Variants in FERMT3 observed in about 807,000 individuals in gnomAD.
FERMT3 encodes the protein fermitin family homolog 3.
FERMT3 carries 33 observed loss-of-function variants against 80.8 expected under a neutral mutation model. The ratio of observed to expected loss-of-function variants is 0.41; its 90% CI spans 0.31 to 0.55. The LOEUF is 0.55. Among genes scored for constraint, FERMT3 ranks in the 20% least tolerant of loss-of-function variants. FERMT3 has a pLI of 0.31. For missense variants in FERMT3, 754 were observed against 908.7 expected (o/e 0.83, Z 2.19); for synonymous variants, 375 against 372.2 (o/e 1.01, Z -0.09).
At chr11:64,208,201 A>G (rs1387686987) in intron 2 of FERMT3, among the ~76,000 whole-genome samples, 2 of 152,144 alleles carry the variant, frequency 1.3e-5, no homozygotes, top group Non-Finnish European at 2.9e-5. Flanking sequence ...CCAGGCCACC[A>G]TGTGCAGCAC....
At chr11:64,207,812 C>G in intron 2 of FERMT3, 2 of 359,694 alleles carry the variant, frequency 5.6e-6, no homozygotes, top group South Asian at 7.0e-5. Context: ...CTTGTCTGGG[C>G]CGAGGCTGAA....
At position 64,219,243 on chromosome 11, in the gene FERMT3, C is replaced by A. The variant is rs202116077; in HGVS notation, c.787-8C>A. 5 of 1,578,392 alleles carry A rather than the reference C, an allele frequency of 3.2e-6. No individual in the cohort carries two copies. The African/African-American group carries it at 4.1e-5, about 13-fold the overall frequency. ...CCCAGCCTCCAGCCTCCTCTCCCCC[C>A]GCTCCAGACAGACCCCGTGCGGCTG... On this transcript the variant is annotated splice_region_variant and splice_polypyrimidine_tract_variant and intron_variant, in intron 6 of 14. Transcript: ENST00000345728. The surrounding 1 kb of genome is among the most constrained non-coding windows in gnomAD (Gnocchi z 4.0).
chr11:64,211,381 C>T lies in FERMT3; in HGVS notation c.621C>T (p.Pro207=). 1.9e-6 allele frequency: 3 copies of T among 1,608,994 alleles called. No homozygotes were observed. Among genetic ancestry groups the T allele is most frequent in the Non-Finnish European group, 2.5e-6 (3 of 1,178,462 alleles). ...MLSRPQPPPD[P]LLLQRLPRPS... ...GCCGGCCCCAGCCGCCACCCGACCC[C>T]CTCCTGCTCCAGCGTCTGCCACGGC... The change falls in exon 5 of 15, where the codon CCC becomes CCT. Residue 207 remains proline (P), a synonymous_variant. Transcript: ENST00000345728. This position sits in a 1 kb window ranked among gnomAD's most constrained non-coding sequence, Gnocchi z 4.7.
intron 12 of FERMT3, 75 bp downstream of exon 12, chr11:64,220,744 C>T (rs1946663527): frequency 7.1e-7 from 1 of 1,418,108 alleles, no homozygotes; most frequent in Admixed American, 1.9e-5. Context: ...CTCCACAGAG[C>T]CTTCCTCAGG....
chr11:64,212,587 T>C (rs1298587859), intron 6 of FERMT3, among the ~76,000 whole-genome samples: 4 of 152,176 alleles, frequency 2.6e-5, no homozygotes, highest in African/African-American at 7.2e-5. Context: ...ACTTGCAGCA[T>C]AGACACCACC....
intron 6 of FERMT3, among the ~76,000 whole-genome samples, chr11:64,213,369 G>A (rs1305422810): frequency 6.6e-6 from 1 of 150,434 alleles, no homozygotes. Context: ...TCGAACTCCT[G>A]ACCTCAGGTG....
chr11:64,222,240 C>CAAATAAAT (rs56402636), intron 13 of FERMT3, among the ~76,000 whole-genome samples: 1,453 of 137,318 alleles, frequency 0.011, 16 homozygotes, highest in Middle Eastern at 0.018. Context: ...GACTCAGTCT[C>CAAATAAAT]AAATAAATAA....
Position 64,210,943 on chromosome 11 carries a change from C to T in FERMT3, c.394+99C>T. 1 of 1,607,462 alleles carries T rather than the reference C, an allele frequency of 6.2e-7. No individual in the cohort carries two copies. Among genetic ancestry groups the T allele is most frequent in the Non-Finnish European group, 8.5e-7 (1 of 1,177,152 alleles). Reference sequence around the variant, plus strand: ...GCTCTGTTGACGCTGTCCTTGCTGTCTGGGTTGCCACCCTGCCTGCAGGGC... The same window carrying T: ...GCTCTGTTGACGCTGTCCTTGCTGTTTGGGTTGCCACCCTGCCTGCAGGGC... On this transcript the variant is annotated intron_variant, in intron 3 of 14. Transcript: ENST00000345728. The surrounding 1 kb of genome is among the most constrained non-coding windows in gnomAD (Gnocchi z 4.3).
chr11:64,220,638 C>T lies in FERMT3; in HGVS notation c.1514C>T (p.Pro505Leu), dbSNP rs762719088. 2.5e-5 allele frequency: 41 copies of T among 1,611,492 alleles called. No individual in the cohort carries two copies. Among genetic ancestry groups the T allele is most frequent in the Non-Finnish European group, 3.1e-5 (37 of 1,179,394 alleles). ...EGLNPYGLVA[P>L]RFQRKFKAKQ... is the part of the protein sequence containing the mutation. Reference sequence around the variant, plus strand: ...CTCAACCCCTACGGCCTCGTTGCCCCCCGTTTCCAGCGAAAGTTCAAGGCC... The same window carrying T: ...CTCAACCCCTACGGCCTCGTTGCCCTCCGTTTCCAGCGAAAGTTCAAGGCC... The change falls in exon 12 of 15, where the codon CCC (proline) becomes CTC (leucine). Residue 505 changes from proline (P) to leucine (L), a missense_variant. Transcript: ENST00000345728.
Position 64,210,930 on chromosome 11 carries a change from C to A in FERMT3, c.394+86C>A. The A allele has an allele frequency of 6.2e-7, 1 of 1,607,170 alleles. No homozygotes were observed. The highest frequency in any genetic ancestry group is 8.5e-7 in the Non-Finnish European group (1 of 1,176,966). ...GTTTCCAGGCCCAGCTCTGTTGACG[C>A]TGTCCTTGCTGTCTGGGTTGCCACC... On this transcript the variant is annotated intron_variant, in intron 3 of 14. Transcript: ENST00000345728. This position sits in a 1 kb window ranked among gnomAD's most constrained non-coding sequence, Gnocchi z 4.3.
intron 13 of FERMT3, among the ~76,000 whole-genome samples, chr11:64,222,440 C>T (rs1350563979): frequency 6.6e-6 from 1 of 150,846 alleles, no homozygotes; most frequent in Non-Finnish European, 1.5e-5. Context: ...TGGCACGTAC[C>T]TGTAATCCCA....
rs756692622 is a variant in FERMT3, at chr11:64,211,277, G to A, written c.517G>A (p.Val173Met). 4.3e-5 allele frequency: 69 copies of A among 1,613,184 alleles called. No individual in the cohort carries two copies. Among genetic ancestry groups the A allele is most frequent in the Non-Finnish European group, 5.8e-5 (68 of 1,179,856 alleles). The change falls in exon 5 of 15, where the codon GTG becomes ATG. Residue 173 changes from valine to methionine, a missense_variant and splice_region_variant. Coordinates refer to ENST00000345728, the MANE Select transcript of FERMT3 (RefSeq NM_031471.6). This position sits in a 1 kb window ranked among gnomAD's most constrained non-coding sequence, Gnocchi z 4.7. ...TTGACTCCCAACCTGCACTCCAGGC[G>A]TGGCACCTGCACTGTTCCGGGGGAT... ...DLSKVVLAGG[V>M]APALFRGMPA...
chr11:64,219,703 G>A lies in FERMT3; in HGVS notation c.1030-37G>A, dbSNP rs1946631429. ...AGGGGCTGGGCAGGGAGAACTGTGA[G>A]GTACCGGGTGCCCCTCTGACTCTGG... On this transcript the variant is annotated intron_variant, in intron 8 of 14. Transcript: ENST00000345728. This position sits in a 1 kb window ranked among gnomAD's most constrained non-coding sequence, Gnocchi z 4.0. 3 of 1,613,636 alleles carry A rather than the reference G, an allele frequency of 1.9e-6. No homozygotes were observed. The East Asian group carries it at 6.7e-5, about 36-fold the overall frequency.
Position 64,219,346 on chromosome 11 carries a change from T to C in FERMT3, c.882T>C (p.Phe294=). 6.2e-7 allele frequency: 1 copy of C among 1,601,276 alleles called. No homozygotes were observed. The highest frequency in any genetic ancestry group is 1.3e-5 in the African/African-American group (1 of 74,660). Residue 294 remains phenylalanine (F), a synonymous_variant, in exon 7 of 15, where the codon TTT becomes TTC. Coordinates refer to ENST00000345728, the MANE Select transcript of FERMT3 (RefSeq NM_031471.6). This position sits in a 1 kb window ranked among gnomAD's most constrained non-coding sequence, Gnocchi z 4.0. ...IDCTEEEMMV[F]AALQYHINKL... is the part of the protein sequence containing the mutation. The stretch of plus-strand genomic sequence containing the variant: ...GCACCGAGGAGGAGATGATGGTGTT[T>C]GCCGCCCTGCAGGTACCAGGCGGGC...
intron 2 of FERMT3, among the ~76,000 whole-genome samples, chr11:64,209,218 C>T (rs1297469993): frequency 2.0e-5 from 3 of 152,104 alleles, no homozygotes; most frequent in African/African-American, 7.2e-5. Context: ...GAGCTGAGCT[C>T]CAAAAGCCGA....
intron 2 of FERMT3, among the ~76,000 whole-genome samples, chr11:64,208,229 A>C (rs1376439348): frequency 2.0e-5 from 3 of 152,130 alleles, no homozygotes; most frequent in African/African-American, 7.2e-5. Context: ...GGTCAGTCCG[A>C]CTGTGGAGAG....
In FERMT3 at chr11:64,210,921, C is replaced by T; in HGVS notation, c.394+77C>T. 1 of 1,608,422 alleles carries T rather than the reference C, an allele frequency of 6.2e-7. No individual in the cohort carries two copies. Among genetic ancestry groups the T allele is most frequent in the Non-Finnish European group, 8.5e-7 (1 of 1,177,988 alleles). On this transcript the variant is annotated intron_variant, in intron 3 of 14. Transcript: ENST00000345728. This position sits in a 1 kb window ranked among gnomAD's most constrained non-coding sequence, Gnocchi z 4.3. ...GGTTCCCCCGTTTCCAGGCCCAGCT[C>T]TGTTGACGCTGTCCTTGCTGTCTGG...
chr11:64,207,578 G>A, intron 2 of FERMT3, 54 bp downstream of exon 2: 1 of 1,565,408 alleles, frequency 6.4e-7, no homozygotes, highest in Non-Finnish European at 8.7e-7. Flanking sequence ...GCCGCCACGG[G>A]TGTCTCTGGG....
chr11:64,221,927 CA>C (rs1369006787), intron 13 of FERMT3, among the ~76,000 whole-genome samples: 1 of 149,830 alleles, frequency 6.7e-6, no homozygotes, highest in Non-Finnish European at 1.5e-5. Flanking sequence ...ACTCTGCCTC[CA>C]AAAAACAAAA....
Sources: allele counts gnomAD v4.1 joint callset (sites outside exome capture counted in the v4.1 genomes callset), GRCh38; gene constraint gnomAD v4.1.1; non-coding constraint Gnocchi (gnomAD v3.1); transcripts MANE v1.5; gene names NCBI Gene and HGNC (gene_info 2026-07-23, HGNC 2026-07-21).